Variants in FRMD5 observed in about 807,000 individuals in gnomAD.
FRMD5 encodes the protein FERM domain-containing protein 5.
Under a neutral mutation model 69.0 loss-of-function variants are expected in FRMD5, and 20 were observed. That is an observed-to-expected ratio of 0.29 (90% CI 0.20 to 0.42). The LOEUF is 0.42. FRMD5 is among the 10% of genes least tolerant of loss of function. The pLI, the probability that FRMD5 is intolerant of heterozygous loss-of-function variation, is 1.00. For synonymous variants in FRMD5, 271 were observed against 260.1 expected (o/e 1.04, Z -0.40); for missense variants, 595 against 708.6 (o/e 0.84, Z 1.82).
chr15:43,935,582 T>C (rs2089746631), intron 1 of FRMD5, among the ~76,000 whole-genome samples: 1 of 152,104 alleles, frequency 6.6e-6, no homozygotes, highest in African/African-American at 2.4e-5. Flanking sequence ...CCCCAGAGCA[T>C]CAGGAAGAAC....
chr15:43,922,785 C>T (rs2089518770), intron 2 of FRMD5, among the ~76,000 whole-genome samples: 1 of 151,666 alleles, frequency 6.6e-6, no homozygotes, highest in African/African-American at 2.4e-5. Flanking sequence ...ATTCTCATGT[C>T]TCAGCCTCCC....
intron 1 of FRMD5, among the ~76,000 whole-genome samples, chr15:44,117,173 A>T (rs568809297): frequency 6.6e-6 from 1 of 152,072 alleles, no homozygotes; most frequent in East Asian, 1.9e-4. Context: ...TTTTGTCTTC[A>T]CCCAGTTAAT....
chr15:43,967,091 A>C (rs1314986549), intron 1 of FRMD5, among the ~76,000 whole-genome samples: 1 of 152,172 alleles, frequency 6.6e-6, no homozygotes, highest in African/African-American at 2.4e-5. Context: ...AAAATAAAGC[A>C]CAAATAACTT....
At chr15:44,081,566 T>C (rs1045434258) in intron 1 of FRMD5, among the ~76,000 whole-genome samples, 3 of 152,102 alleles carry the variant, frequency 2.0e-5, no homozygotes, top group African/African-American at 7.2e-5. Context: ...CGTTTACTTA[T>C]ATTTCACGTT....
intron 1 of FRMD5, among the ~76,000 whole-genome samples, chr15:44,146,565 T>C (rs2615272): frequency 0.92 from 139,374 of 152,232 alleles, 64,366 homozygotes; most frequent in East Asian, 1. Context: ...TTTGAGGAAT[T>C]GCCACACTGT....
intron 1 of FRMD5, among the ~76,000 whole-genome samples, chr15:44,088,260 A>G (rs1200537639): frequency 6.6e-6 from 1 of 152,130 alleles, no homozygotes; most frequent in African/African-American, 2.4e-5. Context: ...CATTTTCACC[A>G]TTCCCGAAAG....
chr15:44,180,094 AAAC>A (rs2077971550), intron 1 of FRMD5, among the ~76,000 whole-genome samples: 1 of 151,840 alleles, frequency 6.6e-6, no homozygotes, highest in Admixed American at 6.6e-5. Context: ...CAAAAAAAGA[AAAC>A]AACTCTGCAG....
intron 1 of FRMD5, among the ~76,000 whole-genome samples, chr15:44,040,419 G>A (rs999336869): frequency 6.6e-6 from 1 of 152,124 alleles, no homozygotes; most frequent in African/African-American, 2.4e-5. Context: ...CAGAGAGAAA[G>A]GTCAGGTTAC....
intron 1 of FRMD5, among the ~76,000 whole-genome samples, chr15:43,992,343 CTTTTTTTTT>C (rs5812259): frequency 7.4e-6 from 1 of 134,944 alleles, no homozygotes; most frequent in Non-Finnish European, 1.6e-5. Context: ...GTTGTAAATT[CTTTTTTTTT>C]TTTTTTGCAA....
chr15:43,994,354 T>C (rs1183625936), intron 1 of FRMD5, among the ~76,000 whole-genome samples: 2 of 152,232 alleles, frequency 1.3e-5, no homozygotes, highest in East Asian at 3.8e-4. Context: ...TCAATACTTT[T>C]ACTCTACCTG....
chr15:43,946,990 G>C (rs2089957757), intron 1 of FRMD5, among the ~76,000 whole-genome samples: 1 of 152,206 alleles, frequency 6.6e-6, no homozygotes, highest in Non-Finnish European at 1.5e-5. Context: ...TTACTCATAA[G>C]CTGGAAAAGT....
chr15:44,187,286 T>C (rs2078118018), intron 1 of FRMD5, among the ~76,000 whole-genome samples: 1 of 152,194 alleles, frequency 6.6e-6, no homozygotes. Context: ...ATTTGTGTTA[T>C]ACAATTTTAG....
intron 4 of FRMD5, chr15:43,918,934 C>T (rs914535822): frequency 2.6e-5 from 5 of 192,040 alleles, no homozygotes; most frequent in East Asian, 2.7e-4. Flanking sequence ...ACGCAGCTGT[C>T]GGCCTGCCAC....
chr15:43,981,649 T>C lies in FRMD5; in HGVS notation c.103-57340A>G, dbSNP rs2090550213. On this transcript the variant is annotated intron_variant, in intron 1 of 13. Coordinates refer to ENST00000417257, the MANE Select transcript of FRMD5 (RefSeq NM_032892.5). ...TGCTTTAGTTTCAGTGCCCATATCA[T>C]AGAAGGATCCACATCATAAAAGAAG... Among the ~76,000 whole-genome samples the C allele has an allele frequency of 1.3e-5, 2 of 152,252 alleles. 1 individual carries two copies. Among genetic ancestry groups the C allele is most frequent in the South Asian group, 4.1e-4 (2 of 4,830 alleles).
intron 1 of FRMD5, among the ~76,000 whole-genome samples, chr15:44,040,155 T>C (rs1218992322): frequency 6.6e-6 from 1 of 151,672 alleles, no homozygotes; most frequent in East Asian, 1.9e-4. Flanking sequence ...CCCCAAGAAA[T>C]ATGGGACTAT....
intron 1 of FRMD5, among the ~76,000 whole-genome samples, chr15:44,087,942 T>A (rs1370539313): frequency 6.6e-6 from 1 of 152,196 alleles, no homozygotes; most frequent in African/African-American, 2.4e-5. Context: ...GCTGAAGTAA[T>A]TCCTGTATGG....
chr15:44,142,481 C>G (rs1394602104), intron 1 of FRMD5, among the ~76,000 whole-genome samples: 3 of 152,112 alleles, frequency 2.0e-5, no homozygotes, highest in Non-Finnish European at 4.4e-5. Flanking sequence ...AAAATTAGCA[C>G]AAGTTACAGA....
At chr15:43,912,683 G>A (rs1002785166) in intron 4 of FRMD5, among the ~76,000 whole-genome samples, 15 of 151,916 alleles carry the variant, frequency 9.9e-5, no homozygotes, top group African/African-American at 2.4e-4. Flanking sequence ...GGGGGAGCCC[G>A]TCAGAATCTG....
At chr15:43,976,067 A>G (rs1284690517) in intron 1 of FRMD5, among the ~76,000 whole-genome samples, 1 of 152,052 alleles carries the variant, frequency 6.6e-6, no homozygotes, top group East Asian at 1.9e-4. Flanking sequence ...TGTGCTAAAA[A>G]AAAAAAAAGG....
Sources: gnomAD v4.1 joint callset for allele counts (sites outside exome capture counted in the v4.1 genomes callset) on GRCh38, gnomAD v4.1.1 for gene constraint, MANE v1.5 for transcripts, NCBI Gene and HGNC (gene_info 2026-07-23, HGNC 2026-07-21) for gene names.